DST: variants seen among roughly 807,000 people sequenced by gnomAD.
The protein encoded by DST is dystonin.
Under a neutral mutation model 875.2 loss-of-function variants are expected in DST, and 253 were observed. The observed-to-expected ratio is 0.29, with a 90% CI of 0.26 to 0.32. The LOEUF (loss-of-function observed/expected upper bound fraction) is 0.32. Ranked by LOEUF, DST falls within the 10% of genes least tolerant of loss-of-function variation. The pLI is 1.00. For synonymous variants in DST, 3,124 were observed against 3,197.1 expected (o/e 0.98, Z 0.77); for missense variants, 8,287 against 9,111.6 (o/e 0.91, Z 3.68).
At chr6:56,460,278 A>G in intron 102 of DST, 24 bp from the exon 103 acceptor site, 1 of 1,613,504 alleles carries the variant, frequency 6.2e-7, no homozygotes, top group Non-Finnish European at 8.5e-7. Flanking sequence ...GCAACAAGAC[A>G]TTTCAAAATA....
intron 102 of DST, chr6:56,461,125 T>C (rs1482644871): frequency 6.6e-6 from 1 of 152,226 alleles, no homozygotes; most frequent in African/African-American, 2.4e-5. Flanking sequence ...AAATTACATG[T>C]ATATTTTTAA....
intron 2 of DST, among the ~76,000 whole-genome samples, chr6:56,932,103 C>T (rs952231610): frequency 7.2e-5 from 11 of 152,114 alleles, no homozygotes; most frequent in Non-Finnish European, 1.3e-4. Flanking sequence ...ATTGTACTCC[C>T]ATAATTCCCA....
rs2152366218 is a variant in DST at position 56,459,123 on chromosome 6, T to A, written c.23339A>T (p.Gln7780Leu). 1.2e-6 allele frequency: 2 copies of A among 1,613,166 alleles called. No homozygotes were observed. The highest frequency in any genetic ancestry group is 1.7e-6 in the Non-Finnish European group (2 of 1,179,604). ...TGCTCGGGGTGTAGGTCTGTGTGTC[T>A]GGGGGACAGTTTCCACATCTGAGCA... is the stretch of plus-strand genomic sequence containing the variant. ...SVCSDVETVP[Q>L]THRPTPRAGS... is the part of the protein sequence containing the mutation. Residue 7780 changes from glutamine (Q) to leucine (L), a missense_variant, in exon 104 of 104, where the codon CAG (glutamine) becomes CTG (leucine). Physicochemically the swap from Gln to Leu is moderately radical, Grantham distance 113. Coordinates refer to ENST00000680361, the MANE Select transcript of DST (RefSeq NM_001374736.1).
chr6:56,757,430 C>T (rs1336211208), intron 4 of DST, among the ~76,000 whole-genome samples: 1 of 152,172 alleles, frequency 6.6e-6, no homozygotes, highest in African/African-American at 2.4e-5. Flanking sequence ...CAAGTTCTGG[C>T]AAACCACATA....
chr6:56,867,790 G>T (rs1193192098), intron 3 of DST, among the ~76,000 whole-genome samples: 1 of 151,368 alleles, frequency 6.6e-6, no homozygotes. Flanking sequence ...CCGAGACCGC[G>T]CCACTGCACT....
At chr6:56,471,484 A>G (rs756122007) in intron 94 of DST, among the ~76,000 whole-genome samples, 10 of 152,174 alleles carry the variant, frequency 6.6e-5, no homozygotes, top group Admixed American at 1.3e-4. Flanking sequence ...AAATTCCTAA[A>G]AACTTAAGCT....
chr6:56,834,484 C>G (rs1381162363), intron 4 of DST, among the ~76,000 whole-genome samples: 12 of 151,858 alleles, frequency 7.9e-5, no homozygotes, highest in Admixed American at 5.9e-4. Context: ...GTAATCCCAG[C>G]TACTCAGGAG....
intron 4 of DST, among the ~76,000 whole-genome samples, chr6:56,809,331 C>T (rs1280608834): frequency 6.6e-6 from 1 of 152,176 alleles, no homozygotes; most frequent in African/African-American, 2.4e-5. Flanking sequence ...CTTCTGAATG[C>T]TCCAATCATC....
At position 56,485,553 on chromosome 6, in the gene DST, G is replaced by T; in HGVS notation, c.21048-82C>A. 3 of 1,349,618 alleles carry T rather than the reference G, an allele frequency of 2.2e-6. No homozygotes were observed. In the South Asian group the frequency reaches 3.9e-5, roughly 18 times the overall value. 83.6% of individuals were successfully genotyped at this position (1,349,618 alleles called of 1,614,324 possible). A position where few individuals can be genotyped will look rare whatever the true frequency, so the allele number is the denominator to read the frequency against. On this transcript the variant is annotated intron_variant, in intron 87 of 103. Transcript: ENST00000680361. The stretch of plus-strand genomic sequence containing the variant: ...TGAACATCTAAAATTAATTGATGAA[G>T]GTTGAGTGGTACTCAAGGGGAAGAG...
intron 24 of DST, 88 bp downstream of exon 24, chr6:56,635,501 G>A: frequency 1.5e-6 from 2 of 1,314,404 alleles, no homozygotes; most frequent in South Asian, 1.3e-5. Flanking sequence ...TATCAAGAGT[G>A]CCAATAAAAT....
intron 47 of DST, among the ~76,000 whole-genome samples, chr6:56,594,656 G>A (rs899545235): frequency 6.6e-6 from 1 of 152,148 alleles, no homozygotes; most frequent in African/African-American, 2.4e-5. Context: ...GTAACTTTAA[G>A]CTTTAAAAAG....
intron 69 of DST, among the ~76,000 whole-genome samples, chr6:56,525,805 T>C (rs932690536): frequency 1.3e-5 from 2 of 152,194 alleles, no homozygotes; most frequent in South Asian, 4.1e-4. Context: ...GCTGAATGCC[T>C]ATAAAACTCT....
At position 56,552,778 on chromosome 6, in the gene DST, G is replaced by C; in HGVS notation, c.16014C>G (p.Asp5338Glu). 6.2e-7 allele frequency: 1 copy of C among 1,610,476 alleles called. No homozygotes were observed. The highest frequency in any genetic ancestry group is 8.5e-7 in the Non-Finnish European group (1 of 1,179,870). ...TTGAGTCTGAGGCCTCTACCACAAG[G>C]TCCTGTGCAAGTCTTTTAGCCAAAT... ...QVDLAKRLAQ[D>E]LVVEASDSKG... The change falls in exon 61 of 104, where the codon GAC becomes GAG. Residue 5338 changes from aspartate to glutamate, a missense_variant. Asp to Glu is a conservative substitution (Grantham distance 45, BLOSUM62 2). Around this residue, in one of 10 missense-constraint regions of DST, gnomAD observed 1,513 missense variants for 1,677.8 expected, o/e 0.90. Coordinates refer to ENST00000680361, the MANE Select transcript of DST (RefSeq NM_001374736.1).
intron 36 of DST, chr6:56,620,705 C>G (rs774162551): frequency 1.9e-6 from 3 of 1,613,712 alleles, no homozygotes; most frequent in Admixed American, 3.3e-5. Context: ...AGTCTCCTTA[C>G]ACCTTTTAAT....
At chr6:56,793,475 CT>C (rs1166686799) in intron 4 of DST, among the ~76,000 whole-genome samples, 1 of 152,148 alleles carries the variant, frequency 6.6e-6, no homozygotes, top group Non-Finnish European at 1.5e-5. Context: ...TTTCTGTAGA[CT>C]TTAAGTTTTT....
intron 4 of DST, among the ~76,000 whole-genome samples, chr6:56,748,861 G>T (rs1176227036): frequency 6.6e-6 from 1 of 152,062 alleles, no homozygotes; most frequent in Non-Finnish European, 1.5e-5. Flanking sequence ...CAACATCAAG[G>T]AACTAGGACA....
At position 56,730,093 on chromosome 6, in the gene DST, A is replaced by C. The variant is rs572850689; in HGVS notation, c.687+5135T>G. 2.6e-5 allele frequency among the ~76,000 whole-genome samples: 4 copies of C among 152,358 alleles called. No individual in the cohort carries two copies. The South Asian group carries it at 8.3e-4, about 32-fold the overall frequency. On this transcript the variant is annotated intron_variant, in intron 5 of 103. Transcript: ENST00000680361. The stretch of plus-strand genomic sequence containing the variant: ...TATCCTCTTTCAAATGTGAAGGAAT[A>C]AATTTAAAATATAGCTGATCAGTAT...
intron 98 of DST, chr6:56,467,143 T>C (rs1347746626): frequency 1.3e-5 from 2 of 152,188 alleles, no homozygotes; most frequent in African/African-American, 4.8e-5. Context: ...AATTTCACGG[T>C]TGTCATCCCA....
At chr6:56,628,479 G>T (rs1002249130) in intron 32 of DST, among the ~76,000 whole-genome samples, 4 of 152,166 alleles carry the variant, frequency 2.6e-5, no homozygotes, top group Non-Finnish European at 5.9e-5. Context: ...ACAGTGTCTT[G>T]AATAGTAAGG....
Sources: gnomAD v4.1 joint callset for allele counts (sites outside exome capture counted in the v4.1 genomes callset) on GRCh38, gnomAD v4.1.1 for gene constraint, gnomAD v4.1.1 regional missense constraint, MANE v1.5 for transcripts, NCBI Gene and HGNC (gene_info 2026-07-23, HGNC 2026-07-21) for gene names.